Variants in NLRP7 observed in about 807,000 individuals in gnomAD.
NLRP7 encodes the protein NACHT, LRR and PYD domains-containing protein 7.
A neutral mutation model predicts 85.5 loss-of-function variants in NLRP7; 72 were observed. That is an observed-to-expected ratio of 0.84 (90% confidence interval 0.70 to 1.02). The LOEUF is 1.02. Ranked by LOEUF, NLRP7 falls within the 50% of genes least tolerant of loss-of-function variation. NLRP7 has a pLI of 0.00. For missense variants in NLRP7, 1,243 were observed against 1,219.5 expected, an observed-to-expected ratio of 1.02 and a Z score of -0.29; for synonymous variants, 550 against 505.2, an observed-to-expected ratio of 1.09 and a Z score of -1.19.
In NLRP7 at chr19:54,946,177, G is replaced by GA. The variant is rs768743692; in HGVS notation, c.-40+1291dup. On this transcript the variant is annotated intron_variant, in intron 1 of 9. Coordinates refer to ENST00000340844, the Ensembl canonical transcript of NLRP7. Reference sequence around the variant, plus strand: ...CCGCCTCGGCCTCCCAAAGTGCTGGGATCACAGGCGTGAGCCACCGCATCT... The same window carrying GA: ...CCGCCTCGGCCTCCCAAAGTGCTGGGAATCACAGGCGTGAGCCACCGCATCT... Among the ~76,000 whole-genome samples the GA allele has an allele frequency of 3.3e-5, 5 of 152,010 alleles. No individual in the cohort carries two copies. The South Asian group carries it at 1.0e-3, about 32-fold the overall frequency.
chr19:54,941,342 C>T (rs2069209942), intron 2 of NLRP7, 93 bp downstream of exon 2: 2 of 940,886 alleles, frequency 2.1e-6, no homozygotes, highest in Middle Eastern at 3.0e-4. Flanking sequence ...GCACTCCAGC[C>T]TTACACTCCA....
At chr19:54,927,189 G>T (rs537478532) in intron 9 of NLRP7, among the ~76,000 whole-genome samples, 1 of 152,052 alleles carries the variant, frequency 6.6e-6, no homozygotes, top group South Asian at 2.1e-4. Context: ...AGGAGTTCAA[G>T]ACTAGCCTGG....
intron 1 of NLRP7, among the ~76,000 whole-genome samples, chr19:54,945,278 G>GTT (rs796380528): frequency 6.8e-6 from 1 of 147,086 alleles, no homozygotes; most frequent in African/African-American, 2.5e-5. Context: ...AAAATTCAGG[G>GTT]TTTTTTTTTT....
At chr19:54,927,969 T>A (rs141579539) in intron 9 of NLRP7, among the ~76,000 whole-genome samples, 194 bp from the exon 10 acceptor site, 117 of 152,278 alleles carry the variant, frequency 7.7e-4, no homozygotes, top group African/African-American at 2.7e-3. Flanking sequence ...GACAGACACC[T>A]GTAGCCCCAG....
Position 54,939,951 on chromosome 19 carries a change from T to C in NLRP7, c.868A>G (p.Lys290Glu), listed in dbSNP as rs750929163. 9.3e-6 allele frequency: 15 copies of C among 1,613,942 alleles called. No individual in the cohort carries two copies. The Admixed American group carries it at 1.3e-4, about 14-fold the overall frequency. Reference sequence around the variant, plus strand: ...AGCAAGGCTGCCCTGGGTAACATCTTCCTCTTCAGCAAACTCCCCAGGAGG... The same window carrying C: ...AGCAAGGCTGCCCTGGGTAACATCTCCCTCTTCAGCAAACTCCCCAGGAGG... The change falls in exon 4 of 10, where the codon AAG (lysine) becomes GAG (glutamate). Residue 290 changes from lysine to glutamate, a missense_variant. Coordinates refer to ENST00000340844, the Ensembl canonical transcript of NLRP7.
chr19:54,961,392 C>T (rs1267442433), intron 1 of NLRP7, among the ~76,000 whole-genome samples: 2 of 151,874 alleles, frequency 1.3e-5, no homozygotes, highest in East Asian at 1.9e-4. Context: ...AGCCTATAAT[C>T]CCAGCTAGGG....
chr19:54,939,633 G>T (rs368470657), exon 4 of NLRP7: 16 of 1,611,050 alleles, frequency 9.9e-6, no homozygotes, highest in African/African-American at 2.7e-5. Context: ...CAGAGGAAAC[G>T]CAGGAACAGC....
At chr19:54,945,634 T>C (rs1295382788) in intron 1 of NLRP7, among the ~76,000 whole-genome samples, 1 of 152,004 alleles carries the variant, frequency 6.6e-6, no homozygotes, top group East Asian at 1.9e-4. Context: ...AGTCTCCCTC[T>C]GTTGCCCAGG....
intron 9 of NLRP7, among the ~76,000 whole-genome samples, chr19:54,925,507 C>CTTGAATAAGAG (rs2068391132): frequency 6.6e-6 from 1 of 152,070 alleles, no homozygotes; most frequent in African/African-American, 2.4e-5. Flanking sequence ...TAAAATAACT[C>CTTGAATAAGAG]TTGAATAAGA....
At chr19:54,956,368 G>T (rs2069853563) in intron 1 of NLRP7, among the ~76,000 whole-genome samples, 1 of 151,890 alleles carries the variant, frequency 6.6e-6, no homozygotes, top group South Asian at 2.1e-4. Flanking sequence ...TACATTTTTG[G>T]TGAAGTATTC....
chr19:54,933,052 C>G (rs978027393), intron 8 of NLRP7, among the ~76,000 whole-genome samples: 10 of 152,146 alleles, frequency 6.6e-5, no homozygotes, highest in Non-Finnish European at 1.2e-4. Flanking sequence ...ATCCGAGAAC[C>G]AACTACTCAT....
intron 1 of NLRP7, among the ~76,000 whole-genome samples, chr19:54,953,691 C>G (rs1453936631): frequency 6.6e-6 from 1 of 151,744 alleles, no homozygotes; most frequent in Non-Finnish European, 1.5e-5. Context: ...GAGGGGTGGT[C>G]TCCTCCCTTA....
intron 6 of NLRP7, among the ~76,000 whole-genome samples, chr19:54,935,604 A>G (rs1360797554): frequency 1.5e-5 from 2 of 136,722 alleles, no homozygotes; most frequent in African/African-American, 5.5e-5. Flanking sequence ...GCTGAGGCAG[A>G]ACTGCTTGAA....
At chr19:54,945,365 G>T (rs1054113370) in intron 1 of NLRP7, among the ~76,000 whole-genome samples, 39 of 149,942 alleles carry the variant, frequency 2.6e-4, no homozygotes, top group African/African-American at 9.6e-4. Context: ...CCTCTTCCCG[G>T]GTTCAAGCGA....
intron 9 of NLRP7, among the ~76,000 whole-genome samples, chr19:54,929,444 A>T (rs940291406): frequency 2.0e-5 from 3 of 152,164 alleles, no homozygotes; most frequent in Non-Finnish European, 2.9e-5. Flanking sequence ...TGACGTGCAG[A>T]TTCTCTTTGC....
intron 1 of NLRP7, among the ~76,000 whole-genome samples, chr19:54,959,991 A>G (rs2069985752): frequency 6.6e-6 from 1 of 151,774 alleles, no homozygotes; most frequent in African/African-American, 2.4e-5. Flanking sequence ...ATTTTGTTGA[A>G]TTGTTTTTGA....
intron 1 of NLRP7, among the ~76,000 whole-genome samples, chr19:54,960,703 C>G (rs537356096): frequency 4.6e-5 from 7 of 152,208 alleles, no homozygotes; most frequent in South Asian, 4.1e-4. Flanking sequence ...TCACGCCATT[C>G]TCCTGCCTCA....
intron 1 of NLRP7, among the ~76,000 whole-genome samples, chr19:54,961,892 T>C (rs901534113): frequency 2.6e-5 from 4 of 151,180 alleles, no homozygotes; most frequent in African/African-American, 9.7e-5. Flanking sequence ...TCGGGGGAAG[T>C]GGATGCCTGT....
chr19:54,935,229 A>G (rs34497474), intron 6 of NLRP7, among the ~76,000 whole-genome samples: 17 of 32,898 alleles, frequency 5.2e-4, no homozygotes, highest in Non-Finnish European at 1.8e-3. Context: ...TGCAGGGGGG[A>G]AAAAAAAATT....
Sources: gnomAD v4.1 joint callset for allele counts (sites outside exome capture counted in the v4.1 genomes callset) on GRCh38, gnomAD v4.1.1 for gene constraint, MANE v1.5 for transcripts, NCBI Gene and HGNC (gene_info 2026-07-23, HGNC 2026-07-21) for gene names.